Variants in PPARGC1B observed in about 807,000 individuals in gnomAD.
PPARGC1B encodes the protein peroxisome proliferator-activated receptor gamma coactivator 1-beta.
Under a neutral mutation model 101.6 loss-of-function variants are expected in PPARGC1B, and 34 were observed. The observed-to-expected ratio is 0.33, with a 90% CI of 0.25 to 0.45. The LOEUF (loss-of-function observed/expected upper bound fraction) is 0.45. Among genes scored for constraint, PPARGC1B ranks in the 20% least tolerant of loss-of-function variants. The pLI is 1.00. For synonymous variants in PPARGC1B, 548 were observed against 539.3 expected (o/e 1.02, Z -0.22); for missense variants, 1,234 against 1,317.6 (o/e 0.94, Z 0.98).
intron 1 of PPARGC1B, among the ~76,000 whole-genome samples, chr5:149,735,797 C>T (rs1754682675): frequency 6.6e-6 from 1 of 152,208 alleles, no homozygotes. Context: ...GTTTTTCTAG[C>T]ACCTTGAGCA....
intron 1 of PPARGC1B, among the ~76,000 whole-genome samples, chr5:149,739,626 C>T (rs1014929856): frequency 2.6e-5 from 4 of 152,116 alleles, no homozygotes; most frequent in Non-Finnish European, 4.4e-5. Flanking sequence ...GTGCGGTGGG[C>T]CTTAGCTCTT....
At chr5:149,770,841 A>G (rs995677941) in intron 1 of PPARGC1B, among the ~76,000 whole-genome samples, 10 of 151,642 alleles carry the variant, frequency 6.6e-5, no homozygotes, top group Non-Finnish European at 1.3e-4. Flanking sequence ...AAAAAAAAAA[A>G]GGAATAAAAA....
At chr5:149,759,242 C>T (rs759392032) in intron 1 of PPARGC1B, among the ~76,000 whole-genome samples, 1 of 152,144 alleles carries the variant, frequency 6.6e-6, no homozygotes, top group Non-Finnish European at 1.5e-5. Context: ...CATTTGATGA[C>T]AGTAGGATTC....
chr5:149,771,842 T>G, intron 1 of PPARGC1B: 2 of 418,388 alleles, frequency 4.8e-6, no homozygotes, highest in Non-Finnish European at 4.1e-6. Flanking sequence ...TTGTAGCATT[T>G]TCAGGTGTCC....
chr5:149,754,195 C>T (rs1214932673), intron 1 of PPARGC1B, among the ~76,000 whole-genome samples: 2 of 152,250 alleles, frequency 1.3e-5, no homozygotes, highest in African/African-American at 4.8e-5. Context: ...ATGGTTAAGA[C>T]TCACCTGTGT....
chr5:149,787,259 GA>G (rs1472447653), intron 1 of PPARGC1B, among the ~76,000 whole-genome samples: 2 of 152,206 alleles, frequency 1.3e-5, no homozygotes, highest in Non-Finnish European at 2.9e-5. Flanking sequence ...ATGATGGCTG[GA>G]AAAGATGGCC....
chr5:149,808,937 T>C (rs1006481119), intron 1 of PPARGC1B, among the ~76,000 whole-genome samples: 3 of 152,094 alleles, frequency 2.0e-5, no homozygotes, highest in Non-Finnish European at 2.9e-5. Context: ...GATGGCTGCA[T>C]AGCAATGTGG....
At chr5:149,733,229 G>T (rs1014856602) in intron 1 of PPARGC1B, among the ~76,000 whole-genome samples, 1 of 152,218 alleles carries the variant, frequency 6.6e-6, no homozygotes, top group Non-Finnish European at 1.5e-5. Flanking sequence ...GAGGACTTCT[G>T]TTTAGGAGAC....
chr5:149,759,008 A>T (rs976892321), intron 1 of PPARGC1B, among the ~76,000 whole-genome samples: 15 of 152,236 alleles, frequency 9.9e-5, no homozygotes, highest in Admixed American at 4.6e-4. Context: ...AGAACTGCAG[A>T]TATACCCTTT....
At chr5:149,751,956 C>T (rs1389761524) in intron 1 of PPARGC1B, among the ~76,000 whole-genome samples, 5 of 152,134 alleles carry the variant, frequency 3.3e-5, no homozygotes, top group Admixed American at 2.6e-4. Flanking sequence ...GAACAGCAAT[C>T]CCTGCATTGC....
intron 1 of PPARGC1B, among the ~76,000 whole-genome samples, chr5:149,784,655 C>G (rs1049463911): frequency 6.6e-5 from 10 of 150,814 alleles, no homozygotes; most frequent in Non-Finnish European, 2.9e-5. Context: ...GCAAGATCCA[C>G]CTCCTGGGTT....
In PPARGC1B at chr5:149,848,254, C is replaced by G. The variant is rs906483243; in HGVS notation, c.*696C>G. On this transcript the variant is annotated 3_prime_UTR_variant, in exon 12 of 12. Coordinates refer to ENST00000309241, the MANE Select transcript of PPARGC1B (RefSeq NM_133263.4). ...GCAAGTTTGGCTCAAATTATAGGAG[C>G]CCCCATCTTGTGCCCAGCTCATGCT... 6.6e-6 allele frequency: 1 copy of G among 152,384 alleles called. No individual in the cohort carries two copies. Among genetic ancestry groups the G allele is most frequent in the African/African-American group, 2.4e-5 (1 of 41,446 alleles). 9.4% of individuals were successfully genotyped at this position (152,384 alleles called of 1,614,324 possible).
chr5:149,815,270 T>C (rs893037180), intron 1 of PPARGC1B, among the ~76,000 whole-genome samples: 5 of 152,064 alleles, frequency 3.3e-5, no homozygotes, highest in Admixed American at 1.3e-4. Flanking sequence ...ACAGAGATAA[T>C]CAAGTTAAAA....
intron 9 of PPARGC1B, 23 bp from the exon 10 acceptor site, chr5:149,842,233 T>C (rs749770458): frequency 1.2e-6 from 2 of 1,610,480 alleles, no homozygotes; most frequent in Non-Finnish European, 1.7e-6. Flanking sequence ...ACGGAGTCTC[T>C]CTCTGTCCTC....
At chr5:149,741,334 G>A (rs1448429360) in intron 1 of PPARGC1B, among the ~76,000 whole-genome samples, 1 of 152,172 alleles carries the variant, frequency 6.6e-6, no homozygotes, top group East Asian at 1.9e-4. Flanking sequence ...CTTTATTTCT[G>A]GTCTCAGGCT....
chr5:149,836,450 G>T lies in PPARGC1B; in HGVS notation c.1995G>T (p.Leu665=). ...AGCACCCAGAGCGAAGTGAGCTCCT[G>T]TCCCACCTGCGACATGCCACAGCCC... is the stretch of plus-strand genomic sequence containing the variant. The part of the protein sequence containing the change: ...PKKHPERSEL[L]SHLRHATAQP... The change falls in exon 8 of 12, where the codon CTG becomes CTT. Residue 665 remains leucine (L), a synonymous_variant. Transcript: ENST00000309241. 2 of 1,614,080 alleles carry T rather than the reference G, an allele frequency of 1.2e-6. No individual in the cohort carries two copies. The highest frequency in any genetic ancestry group is 1.7e-6 in the Non-Finnish European group (2 of 1,180,018).
In PPARGC1B at chr5:149,740,930, C is replaced by T. The variant is rs144485150; in HGVS notation, c.78+10510C>T. On this transcript the variant is annotated intron_variant, in intron 1 of 11. Transcript: ENST00000309241. ...CTGGGAGTTGGGAGTGCCTTAGAGA[C>T]GATCTTGCTTAATGCCCTTACCTTG... is the stretch of plus-strand genomic sequence containing the variant. Among the ~76,000 whole-genome samples the T allele has an allele frequency of 7.2e-5, 11 of 152,292 alleles. No homozygotes were observed. The East Asian group carries it at 1.2e-3, about 16-fold the overall frequency.
intron 1 of PPARGC1B, among the ~76,000 whole-genome samples, chr5:149,734,955 T>G (rs1026980966): frequency 2.0e-5 from 3 of 152,220 alleles, no homozygotes; most frequent in African/African-American, 7.2e-5. Context: ...AAGCTGGGAC[T>G]GAGCACCCAG....
rs1759386738 is a variant in PPARGC1B at position 149,842,356 on chromosome 5, A to C, written c.2795A>C (p.Glu932Ala). 6.2e-7 allele frequency: 1 copy of C among 1,613,938 alleles called. No individual in the cohort carries two copies. Among genetic ancestry groups the C allele is most frequent in the African/African-American group, 1.3e-5 (1 of 74,920 alleles). The change falls in exon 10 of 12, where the codon GAG (glutamate) becomes GCG (alanine). Residue 932 changes from glutamate (E) to alanine (A), a missense_variant. By Grantham distance (107) the Glu-to-Ala change is moderately radical. This residue lies in a region of PPARGC1B where 497 missense variants were observed against 529.5 expected (regional missense o/e 0.94). Transcript: ENST00000309241. ...FEVFGEIEEC[E>A]VLTRNRRGEK... ...GTGTTTGGTGAGATTGAGGAGTGCG[A>C]GGTGCTGACAAGAAATAGGAGGTGA...
Sources: gnomAD v4.1 joint callset for allele counts (sites outside exome capture counted in the v4.1 genomes callset) on GRCh38, gnomAD v4.1.1 for gene constraint, gnomAD v4.1.1 regional missense constraint, MANE v1.5 for transcripts, NCBI Gene and HGNC (gene_info 2026-07-23, HGNC 2026-07-21) for gene names.